GRM8: variants seen among roughly 807,000 people sequenced by gnomAD.
The protein encoded by GRM8 is metabotropic glutamate receptor 8.
In GRM8, 47 loss-of-function variants were observed where a neutral mutation model predicts 87.2. That is an observed-to-expected ratio of 0.54 (90% confidence interval 0.43 to 0.69). The LOEUF (loss-of-function observed/expected upper bound fraction) is 0.69, where lower values mean the gene tolerates loss of function less well. GRM8 is among the 30% of genes least tolerant of loss of function. GRM8 has a pLI of 0.00. For synonymous variants in GRM8, 396 were observed against 404.5 expected, an observed-to-expected ratio of 0.98 and a Z score of 0.25; for missense variants, 1,019 against 1,139.2, an observed-to-expected ratio of 0.89 and a Z score of 1.52.
At chr7:126,977,083 G>A (rs150866106) in intron 3 of GRM8, among the ~76,000 whole-genome samples, 89 of 152,084 alleles carry the variant, frequency 5.9e-4, no homozygotes, top group African/African-American at 2.1e-3. Flanking sequence ...GGGATTCTTC[G>A]TGTGCCTCCT....
intron 7 of GRM8, among the ~76,000 whole-genome samples, chr7:126,753,455 T>C (rs1256144415): frequency 1.3e-5 from 2 of 151,672 alleles, no homozygotes; most frequent in Non-Finnish European, 2.9e-5. Flanking sequence ...TACACACATA[T>C]ATGTACACAC....
chr7:127,084,010 C>A (rs1823172088), intron 3 of GRM8, among the ~76,000 whole-genome samples: 1 of 152,106 alleles, frequency 6.6e-6, no homozygotes, highest in South Asian at 2.1e-4. Flanking sequence ...GTATTGGAGA[C>A]CTTAGCAGAG....
intron 3 of GRM8, among the ~76,000 whole-genome samples, chr7:127,045,615 A>AAT (rs1818854371): frequency 6.6e-6 from 1 of 152,118 alleles, no homozygotes; most frequent in Non-Finnish European, 1.5e-5. Context: ...AGACTTAATT[A>AAT]TATTTTCATC....
At chr7:126,483,466 TC>T (rs1806963319) in intron 9 of GRM8, among the ~76,000 whole-genome samples, 6 of 39,532 alleles carry the variant, frequency 1.5e-4, no homozygotes, top group Non-Finnish European at 2.0e-4. Context: ...CCTCCCTCCC[TC>T]CCTCCCTTCC....
chr7:126,523,644 C>T (rs186033632), intron 9 of GRM8, among the ~76,000 whole-genome samples: 105 of 152,066 alleles, frequency 6.9e-4, no homozygotes, highest in African/African-American at 2.3e-3. Flanking sequence ...ATTACAGGCA[C>T]CTGCAATCAT....
At chr7:127,118,407 T>C (rs968957059) in intron 2 of GRM8, 3 of 152,176 alleles carry the variant, frequency 2.0e-5, no homozygotes, top group Admixed American at 6.5e-5. Context: ...GGCAATACAT[T>C]AAGTTTCCCC....
chr7:127,080,605 G>A (rs866314638), intron 3 of GRM8: 3 of 152,090 alleles, frequency 2.0e-5, no homozygotes, highest in Admixed American at 2.0e-4. Flanking sequence ...TGGCCAAGGA[G>A]ATATAAGCGT....
chr7:127,180,518 T>C (rs1433461115), intron 2 of GRM8, among the ~76,000 whole-genome samples: 1 of 152,058 alleles, frequency 6.6e-6, no homozygotes, highest in Middle Eastern at 3.4e-3. Flanking sequence ...ATCACCCTAA[T>C]ACCAAAATCA....
intron 9 of GRM8, among the ~76,000 whole-genome samples, chr7:126,465,913 T>C (rs1464857858): frequency 6.6e-6 from 1 of 151,948 alleles, no homozygotes; most frequent in Non-Finnish European, 1.5e-5. Context: ...GAAGAAAACT[T>C]TTAGCAATTC....
intron 8 of GRM8, among the ~76,000 whole-genome samples, chr7:126,550,719 G>T (rs951850858): frequency 6.6e-6 from 1 of 151,634 alleles, no homozygotes; most frequent in Non-Finnish European, 1.5e-5. Flanking sequence ...TTTTAAAATA[G>T]AAAATAATAA....
At chr7:127,116,368 T>C (rs148684618) in intron 2 of GRM8, among the ~76,000 whole-genome samples, 1 of 150,396 alleles carries the variant, frequency 6.6e-6, no homozygotes, top group Non-Finnish European at 1.5e-5. Flanking sequence ...GTTACTTTTT[T>C]ATTAATTCAT....
chr7:126,749,500 T>C (rs180808679), intron 7 of GRM8, among the ~76,000 whole-genome samples: 1 of 151,494 alleles, frequency 6.6e-6, no homozygotes, highest in African/African-American at 2.4e-5. Context: ...GATACCATTA[T>C]GAAAGTGAAA....
chr7:126,578,410 G>A (rs1795300638), intron 8 of GRM8, among the ~76,000 whole-genome samples: 1 of 152,186 alleles, frequency 6.6e-6, no homozygotes, highest in Non-Finnish European at 1.5e-5. Flanking sequence ...TAGTTTATGT[G>A]AGGAAGGAGC....
chr7:127,245,798 G>A (rs991405649), intron 1 of GRM8, among the ~76,000 whole-genome samples: 2 of 152,084 alleles, frequency 1.3e-5, no homozygotes, highest in African/African-American at 4.8e-5. Context: ...AATTTTTGCT[G>A]GAGTTTCCGT....
chr7:126,922,725 G>A (rs764068368), intron 3 of GRM8, among the ~76,000 whole-genome samples: 11 of 152,068 alleles, frequency 7.2e-5, no homozygotes, highest in Non-Finnish European at 1.3e-4. Context: ...GGGGCCTGGT[G>A]GGAGGTGATT....
intron 9 of GRM8, among the ~76,000 whole-genome samples, chr7:126,503,914 A>G (rs1810020865): frequency 6.6e-6 from 1 of 152,018 alleles, no homozygotes; most frequent in East Asian, 1.9e-4. Flanking sequence ...CTCATTGCCC[A>G]TTGATCACAT....
chr7:126,451,026 G>A (rs1358443752), intron 9 of GRM8, among the ~76,000 whole-genome samples: 1 of 151,788 alleles, frequency 6.6e-6, no homozygotes, highest in Non-Finnish European at 1.5e-5. Context: ...CGAATGTTTT[G>A]AAGTCTGTAA....
At chr7:126,973,804 A>T (rs1202351159) in intron 3 of GRM8, among the ~76,000 whole-genome samples, 1 of 152,238 alleles carries the variant, frequency 6.6e-6, no homozygotes, top group African/African-American at 2.4e-5. Flanking sequence ...TAAATGAAAC[A>T]TAGAAAAATA....
chr7:126,762,671 ATAAC>A (rs1287710323), intron 7 of GRM8, among the ~76,000 whole-genome samples: 1 of 152,118 alleles, frequency 6.6e-6, no homozygotes, highest in Non-Finnish European at 1.5e-5. Flanking sequence ...ATGAGCAAAA[ATAAC>A]TAGAGTGATT....
Sources: gnomAD v4.1 joint callset for allele counts (sites outside exome capture counted in the v4.1 genomes callset) on GRCh38, gnomAD v4.1.1 for gene constraint, MANE v1.5 for transcripts, NCBI Gene and HGNC (gene_info 2026-07-23, HGNC 2026-07-21) for gene names.